The following SOX13 variants were observed in gnomAD, a reference collection of about 807,000 sequenced individuals.
SOX13 encodes transcription factor SOX-13.
SOX13 carries 28 observed loss-of-function variants against 71.8 expected under a neutral mutation model. That is an observed-to-expected ratio of 0.39 (90% CI 0.29 to 0.53). The LOEUF is 0.53. SOX13 is among the 20% of genes least tolerant of loss of function. The pLI, the probability that SOX13 is intolerant of heterozygous loss-of-function variation, is 0.70. For missense variants in SOX13, 627 were observed against 810.3 expected (o/e 0.77, Z 2.75); for synonymous variants, 309 against 317.8 (o/e 0.97, Z 0.29).
At chr1:204,117,926 T>C in intron 7 of SOX13, 1 of 564,636 alleles carries the variant, frequency 1.8e-6, no homozygotes, top group East Asian at 2.9e-5. Flanking sequence ...TTTCCAGATG[T>C]AAAATGATGT....
intron 1 of SOX13, among the ~76,000 whole-genome samples, chr1:204,078,970 C>T (rs1429394513): frequency 2.0e-5 from 3 of 152,156 alleles, no homozygotes; most frequent in African/African-American, 7.2e-5. Context: ...CAGCTTAAAG[C>T]CCCATGGTGA....
chr1:204,116,134 A>G (rs1036781670), intron 4 of SOX13: 25 of 1,212,346 alleles, frequency 2.1e-5, no homozygotes, highest in Non-Finnish European at 2.6e-5. Flanking sequence ...TCTTGCTTCA[A>G]AGCCTGAGTG....
chr1:204,095,934 A>T (rs1049863552), intron 1 of SOX13, among the ~76,000 whole-genome samples: 1 of 152,162 alleles, frequency 6.6e-6, no homozygotes, highest in Non-Finnish European at 1.5e-5. Flanking sequence ...TTGACCTTTT[A>T]TGCCTGGCTT....
At chr1:204,094,328 GC>G in intron 1 of SOX13, among the ~76,000 whole-genome samples, 1 of 152,174 alleles carries the variant, frequency 6.6e-6, no homozygotes, top group Non-Finnish European at 1.5e-5. Flanking sequence ...TCTCACCTGG[GC>G]CCTTCTAGAC....
At chr1:204,124,961 G>A (rs1571597716) in intron 13 of SOX13, 104 bp downstream of exon 13, 18 of 833,622 alleles carry the variant, frequency 2.2e-5, no homozygotes, top group African/African-American at 6.7e-5. Context: ...TGTGACCCCA[G>A]GGGTGCTGTG....
Position 204,121,140 on chromosome 1 carries a change from C to T in SOX13, c.776-760C>T, listed in dbSNP as rs1035553347. On this transcript the variant is annotated intron_variant, in intron 7 of 13. Coordinates refer to ENST00000367204, the MANE Select transcript of SOX13 (RefSeq NM_005686.3). ...GATTACAGGCGCGTGCCACCGCACC[C>T]GGCTAATTTTTGTATTTTTAGTGGA... 2.2e-4 allele frequency among the ~76,000 whole-genome samples: 33 copies of T among 152,040 alleles called. 1 individual carries two copies. Among genetic ancestry groups the T allele is most frequent in the South Asian group, 8.3e-4 (4 of 4,812 alleles).
At chr1:204,087,297 G>A (rs2102228096) in intron 1 of SOX13, among the ~76,000 whole-genome samples, 1 of 152,326 alleles carries the variant, frequency 6.6e-6, no homozygotes, top group East Asian at 1.9e-4. Context: ...AAGTCAGGCT[G>A]GGAGGCCTAG....
At chr1:204,125,246 C>A in intron 13 of SOX13, among the ~76,000 whole-genome samples, 1 of 152,192 alleles carries the variant, frequency 6.6e-6, no homozygotes, top group East Asian at 1.9e-4. Context: ...TTCCTTTAAA[C>A]AGGACATCTC....
At chr1:204,115,306 C>T (rs1431890438) in intron 4 of SOX13, among the ~76,000 whole-genome samples, 1 of 151,674 alleles carries the variant, frequency 6.6e-6, no homozygotes, top group Non-Finnish European at 1.5e-5. Context: ...CCCACTGCAC[C>T]CAGCCAGAAT....
chr1:204,113,018 G>GA lies in SOX13; in HGVS notation c.104dup (p.Ala36GlyfsTer10). ...AGAGGAGAAGAAAGAGCCTTGCCACGAGGCCCCCCAGGGCTCAGCCACTGC... is the reference window on the plus strand; with the variant it reads ...AGAGGAGAAGAAAGAGCCTTGCCACGAAGGCCCCCCAGGGCTCAGCCACTGC... On this transcript the variant is annotated frameshift_variant, in exon 2 of 14. Transcript: ENST00000367204. LOFTEE classifies it high-confidence loss of function. The GA allele has an allele frequency of 6.2e-7, 1 of 1,612,930 alleles. No homozygotes were observed. The highest frequency in any genetic ancestry group is 8.5e-7 in the Non-Finnish European group (1 of 1,179,726).
intron 1 of SOX13, among the ~76,000 whole-genome samples, chr1:204,108,893 G>A (rs1471646156): frequency 6.6e-6 from 1 of 152,220 alleles, no homozygotes; most frequent in African/African-American, 2.4e-5. Context: ...TGAGAGGAAG[G>A]TTTTATTTTC....
intron 8 of SOX13, 80 bp from the exon 9 acceptor site, chr1:204,122,157 C>G: frequency 7.8e-7 from 1 of 1,275,388 alleles, no homozygotes. Flanking sequence ...TCTGGGTATG[C>G]TCACCTCACT....
At chr1:204,107,344 C>G (rs1182185641) in intron 1 of SOX13, among the ~76,000 whole-genome samples, 4 of 152,212 alleles carry the variant, frequency 2.6e-5, no homozygotes, top group African/African-American at 7.2e-5. Flanking sequence ...TGACTCCCTC[C>G]AGGACCCTTG....
At chr1:204,116,729 T>C in intron 5 of SOX13, 50 bp downstream of exon 5, 1 of 1,602,598 alleles carries the variant, frequency 6.2e-7, no homozygotes, top group Non-Finnish European at 8.5e-7. Flanking sequence ...AAGGAGTGTG[T>C]CAGGACCTAG....
intron 1 of SOX13, among the ~76,000 whole-genome samples, chr1:204,108,162 A>C (rs1238678891): frequency 6.6e-6 from 1 of 152,208 alleles, no homozygotes; most frequent in Non-Finnish European, 1.5e-5. Context: ...AAAAGTATAA[A>C]AAGAAATAGG....
chr1:204,122,607 G>C lies in SOX13; in HGVS notation c.1024+208G>C, dbSNP rs1438890530. Reference sequence around the variant, plus strand: ...CCAAGCATCAGGGATTCAGGCCAGAGTCACATAGTTCCAGGGGGTACTGTT... The same window carrying C: ...CCAAGCATCAGGGATTCAGGCCAGACTCACATAGTTCCAGGGGGTACTGTT... On this transcript the variant is annotated intron_variant, in intron 9 of 13. Transcript: ENST00000367204. The C allele has an allele frequency of 5.0e-6, 3 of 602,776 alleles. No individual in the cohort carries two copies. In the East Asian group the frequency reaches 8.3e-5, roughly 17 times the overall value. 37.3% of individuals were successfully genotyped at this position (602,776 alleles called of 1,614,324 possible).
Position 204,081,632 on chromosome 1 carries a change from C to G in SOX13, c.-2+7921C>G, listed in dbSNP as rs562811486. On this transcript the variant is annotated intron_variant, in intron 1 of 13. Coordinates refer to ENST00000367204, the MANE Select transcript of SOX13 (RefSeq NM_005686.3). The surrounding 1 kb of genome is among the most constrained non-coding windows in gnomAD (Gnocchi z 4.3). ...GAGGGGAGCCTTGGCGTGAGCTGCC[C>G]TCACACTGACTTAAAAGCATTAACT... Among the ~76,000 whole-genome samples the G allele has an allele frequency of 6.6e-6, 1 of 152,180 alleles. No homozygotes were observed. Among genetic ancestry groups the G allele is most frequent in the Non-Finnish European group, 1.5e-5 (1 of 68,034 alleles).
At chr1:204,104,917 CA>C (rs1391061244) in intron 1 of SOX13, among the ~76,000 whole-genome samples, 3 of 152,074 alleles carry the variant, frequency 2.0e-5, no homozygotes, top group Non-Finnish European at 4.4e-5. Context: ...TCCAATCCAA[CA>C]GGGTCAGTTG....
At position 204,124,730 on chromosome 1, in the gene SOX13, C is replaced by G. The variant is rs770252003; in HGVS notation, c.1465C>G (p.Pro489Ala). Residue 489 changes from proline to alanine, a missense_variant, in exon 13 of 14, where the codon CCT becomes GCT. This residue lies in a region of SOX13 where 148 missense variants were observed against 192.7 expected (regional missense o/e 0.77). Coordinates refer to ENST00000367204, the MANE Select transcript of SOX13 (RefSeq NM_005686.3). ...GAGCCGGCAGCACCTGGAGAAGTATCCTGACTACAAGTACAAGCCGCGGCC... is the reference window on the plus strand; with the variant it reads ...GAGCCGGCAGCACCTGGAGAAGTATGCTGACTACAAGTACAAGCCGCGGCC... Reference protein sequence around the residue: ...RLSRQHLEKYPDYKYKPRPKR... With the variant: ...RLSRQHLEKYADYKYKPRPKR... 1 of 1,612,908 alleles carries G rather than the reference C, an allele frequency of 6.2e-7. No individual in the cohort carries two copies. Among genetic ancestry groups the G allele is most frequent in the Non-Finnish European group, 8.5e-7 (1 of 1,179,546 alleles).
Sources: allele counts gnomAD v4.1 joint callset (sites outside exome capture counted in the v4.1 genomes callset), GRCh38; gene constraint gnomAD v4.1.1; regional missense constraint gnomAD v4.1.1; non-coding constraint Gnocchi (gnomAD v3.1); transcripts MANE v1.5; gene names NCBI Gene and HGNC (gene_info 2026-07-23, HGNC 2026-07-21).